The following DCC variants were observed in gnomAD, a reference collection of about 807,000 sequenced individuals.
The protein encoded by DCC is DCC netrin 1 receptor, also known as netrin receptor DCC.
Under a neutral mutation model 172.5 loss-of-function variants are expected in DCC, and 58 were observed. The ratio of observed to expected loss-of-function variants is 0.34; its 90% CI spans 0.27 to 0.42. The LOEUF is 0.42. Ranked by LOEUF, DCC falls within the 10% of genes least tolerant of loss-of-function variation. The pLI is 1.00. For missense variants in DCC, 1,740 were observed against 1,791.0 expected (o/e 0.97, Z 0.51); for synonymous variants, 709 against 644.5 (o/e 1.10, Z -1.52).
At chr18:53,409,297 G>T (rs969837377) in intron 19 of DCC, among the ~76,000 whole-genome samples, 5 of 152,190 alleles carry the variant, frequency 3.3e-5, no homozygotes, top group African/African-American at 1.2e-4. Context: ...AGACCTGTGG[G>T]TGAAGGTCCC....
At chr18:52,449,445 A>G (rs188013268) in intron 1 of DCC, among the ~76,000 whole-genome samples, 1 of 152,350 alleles carries the variant, frequency 6.6e-6, no homozygotes, top group East Asian at 1.9e-4. Flanking sequence ...CCTTAGAGCA[A>G]TATTTGGTCC....
intron 25 of DCC, among the ~76,000 whole-genome samples, chr18:53,475,536 C>A (rs2045751843): frequency 6.6e-6 from 1 of 152,296 alleles, no homozygotes; most frequent in Non-Finnish European, 1.5e-5. Context: ...GAGGGTGTAA[C>A]CCTCAAGTCT....
In DCC at chr18:53,171,990, C is replaced by T. The variant is rs1598872779; in HGVS notation, c.1419-6972C>T. Among the ~76,000 whole-genome samples, 8 of 152,198 alleles carry T rather than the reference C, an allele frequency of 5.3e-5. No individual in the cohort carries two copies. In the South Asian group the frequency reaches 1.7e-3, roughly 32 times the overall value. ...AGCAATTAGGAGATTCCTGAAAGAA[C>T]TTAAAACAGATCCACAATTTAGCCC... On this transcript the variant is annotated intron_variant, in intron 8 of 28. Coordinates refer to ENST00000442544, the MANE Select transcript of DCC (RefSeq NM_005215.4).
At chr18:52,617,472 T>C (rs2034404896) in intron 1 of DCC, among the ~76,000 whole-genome samples, 1 of 152,196 alleles carries the variant, frequency 6.6e-6, no homozygotes, top group Non-Finnish European at 1.5e-5. Context: ...TGAGAATCCA[T>C]TTGAGATGAG....
intron 19 of DCC, among the ~76,000 whole-genome samples, chr18:53,404,969 AAT>A (rs1271873890): frequency 6.6e-6 from 1 of 152,078 alleles, no homozygotes; most frequent in African/African-American, 2.4e-5. Context: ...ATGAAAACAA[AAT>A]TGTATTATCA....
At chr18:53,194,060 C>T (rs184167969) in intron 9 of DCC, among the ~76,000 whole-genome samples, 72 of 152,216 alleles carry the variant, frequency 4.7e-4, no homozygotes, top group African/African-American at 1.5e-3. Context: ...AGAAAGGTTG[C>T]TGGGTTTAGT....
At chr18:53,215,478 T>C (rs1568370156) in intron 11 of DCC, 70 bp from the exon 12 acceptor site, 2 of 1,215,116 alleles carry the variant, frequency 1.6e-6, no homozygotes, top group Non-Finnish European at 1.2e-6. Context: ...ACTCTCTTTT[T>C]ACTAGACAGG....
intron 5 of DCC, among the ~76,000 whole-genome samples, chr18:53,004,321 T>A (rs767323787): frequency 6.6e-6 from 1 of 152,234 alleles, no homozygotes; most frequent in Non-Finnish European, 1.5e-5. Flanking sequence ...TAATCCATTT[T>A]CAGATAGGAA....
At chr18:52,415,428 C>A (rs1172069451) in intron 1 of DCC, among the ~76,000 whole-genome samples, 1 of 152,158 alleles carries the variant, frequency 6.6e-6, no homozygotes, top group Non-Finnish European at 1.5e-5. Context: ...TGCCATTTGA[C>A]ACAATTATGG....
intron 1 of DCC, among the ~76,000 whole-genome samples, chr18:52,404,918 T>C (rs1986583385): frequency 1.3e-5 from 2 of 150,676 alleles, no homozygotes; most frequent in South Asian, 4.2e-4. Flanking sequence ...CGGTGTTTGG[T>C]TTTTTGTTCT....
intron 1 of DCC, among the ~76,000 whole-genome samples, chr18:52,373,246 C>A (rs1386460659): frequency 6.6e-6 from 1 of 152,100 alleles, no homozygotes; most frequent in Non-Finnish European, 1.5e-5. Flanking sequence ...TCCCCCTACC[C>A]TCAAATGTGA....
At chr18:52,814,103 G>A (rs561759337) in intron 2 of DCC, among the ~76,000 whole-genome samples, 3 of 152,232 alleles carry the variant, frequency 2.0e-5, no homozygotes, top group East Asian at 1.9e-4. Flanking sequence ...ATACACATAG[G>A]TGTACCCTGT....
intron 1 of DCC, among the ~76,000 whole-genome samples, chr18:52,553,283 A>G (rs2032826740): frequency 6.6e-6 from 1 of 152,040 alleles, no homozygotes; most frequent in Admixed American, 6.6e-5. Flanking sequence ...AAGGGATGCC[A>G]GAGAGACAGC....
chr18:53,485,568 C>A (rs2045890730), intron 25 of DCC, among the ~76,000 whole-genome samples: 1 of 152,026 alleles, frequency 6.6e-6, no homozygotes, highest in African/African-American at 2.4e-5. Flanking sequence ...AATGCTTTAT[C>A]TGAAACAGTC....
At chr18:53,296,381 A>G (rs1195017286) in intron 12 of DCC, among the ~76,000 whole-genome samples, 1 of 152,126 alleles carries the variant, frequency 6.6e-6, no homozygotes, top group East Asian at 1.9e-4. Flanking sequence ...CAGCACTCTG[A>G]TGGAACTTTC....
intron 9 of DCC, among the ~76,000 whole-genome samples, chr18:53,192,040 A>G (rs2055373552): frequency 6.6e-6 from 1 of 152,340 alleles, no homozygotes; most frequent in Non-Finnish European, 1.5e-5. Context: ...TAAACTTCTT[A>G]TCTTTTGAAT....
chr18:53,489,080 A>G (rs2045933199), intron 26 of DCC, among the ~76,000 whole-genome samples: 2 of 150,540 alleles, frequency 1.3e-5, no homozygotes, highest in African/African-American at 4.8e-5. Context: ...AAAAAAAAAG[A>G]AATTAATTGA....
chr18:52,717,739 T>A (rs1191010983), intron 1 of DCC, among the ~76,000 whole-genome samples: 1 of 152,136 alleles, frequency 6.6e-6, no homozygotes, highest in African/African-American at 2.4e-5. Flanking sequence ...ATAAAATACT[T>A]AAAAGACATA....
At chr18:53,485,423 TA>T in intron 25 of DCC, among the ~76,000 whole-genome samples, 1 of 152,102 alleles carries the variant, frequency 6.6e-6, no homozygotes, top group Non-Finnish European at 1.5e-5. Context: ...AAATATCACT[TA>T]GATCTTCACT....
Sources: gnomAD v4.1 joint callset for allele counts (sites outside exome capture counted in the v4.1 genomes callset) on GRCh38, gnomAD v4.1.1 for gene constraint, MANE v1.5 for transcripts, NCBI Gene and HGNC (gene_info 2026-07-23, HGNC 2026-07-21) for gene names.